VIRMA: variants seen among roughly 807,000 people sequenced by gnomAD.
The protein encoded by VIRMA is protein virilizer homolog.
In VIRMA, 65 loss-of-function variants were observed where a neutral mutation model predicts 182.4. The ratio of observed to expected loss-of-function variants is 0.36; its 90% confidence interval spans 0.29 to 0.44. The LOEUF (loss-of-function observed/expected upper bound fraction) is 0.44. VIRMA is among the 20% of genes least tolerant of loss of function. VIRMA has a pLI of 1.00. For synonymous variants in VIRMA, 709 were observed against 743.1 expected (o/e 0.95, Z 0.75); for missense variants, 1,752 against 2,158.1 (o/e 0.81, Z 3.73).
At chr8:94,532,054 T>C (rs1815191730) in intron 5 of VIRMA, among the ~76,000 whole-genome samples, 2 of 152,176 alleles carry the variant, frequency 1.3e-5, no homozygotes, top group Middle Eastern at 3.4e-3. Context: ...AAAGGGGTAA[T>C]AGGGAATCTT....
chr8:94,548,352 T>C (rs1815850887), intron 1 of VIRMA, among the ~76,000 whole-genome samples: 1 of 151,238 alleles, frequency 6.6e-6, no homozygotes. Flanking sequence ...ATTGTAATAT[T>C]AACGTGGGCA....
chr8:94,498,239 T>A (rs1395638034), intron 17 of VIRMA: 1 of 152,164 alleles, frequency 6.6e-6, no homozygotes, highest in Non-Finnish European at 1.5e-5. Context: ...TGGAAAATAC[T>A]AATGAGAGAA....
intron 15 of VIRMA, among the ~76,000 whole-genome samples, chr8:94,507,922 T>C (rs1213615343): frequency 6.7e-6 from 1 of 149,302 alleles, no homozygotes; most frequent in African/African-American, 2.4e-5. Context: ...TATGTGTATA[T>C]ATGTATGTAC....
At chr8:94,512,119 C>A in intron 11 of VIRMA, 30 bp from the exon 12 acceptor site, 1 of 1,228,236 alleles carries the variant, frequency 8.1e-7, no homozygotes, top group South Asian at 2.1e-5. Context: ...CAGAATATTT[C>A]GTTTCTTAGT....
intron 1 of VIRMA, among the ~76,000 whole-genome samples, chr8:94,544,559 G>A (rs1764848670): frequency 6.6e-6 from 1 of 150,472 alleles, no homozygotes; most frequent in Non-Finnish European, 1.5e-5. Context: ...TACTTGGGAG[G>A]TTGAGGCAGG....
rs1248887988 is a variant in VIRMA, at chr8:94,519,047, A to G, written c.2451T>C (p.Ser817=). The G allele has an allele frequency of 6.2e-7, 1 of 1,613,794 alleles. No individual in the cohort carries two copies. Among genetic ancestry groups the G allele is most frequent in the African/African-American group, 1.3e-5 (1 of 74,922 alleles). ...TAAGACTTTGGAGATTTTTCTCCAG[A>G]CTAAAAACATGGCCAACAGCTGATC... is the stretch of plus-strand genomic sequence containing the variant. The part of the protein sequence containing the change: ...VGRSAVGHVF[S]LEKNLQSLIT... Residue 817 remains serine, a synonymous_variant, in exon 9 of 24, where the codon AGT becomes AGC. Coordinates refer to ENST00000297591, the MANE Select transcript of VIRMA (RefSeq NM_015496.5).
intron 15 of VIRMA, 42 bp from the exon 16 acceptor site, chr8:94,506,759 T>C: frequency 8.0e-7 from 1 of 1,255,928 alleles, no homozygotes; most frequent in Non-Finnish European, 1.2e-6. Context: ...TTTAAATAAT[T>C]ATCACCATCA....
At chr8:94,506,151 G>A (rs537238256) in intron 16 of VIRMA, among the ~76,000 whole-genome samples, 1 of 152,162 alleles carries the variant, frequency 6.6e-6, no homozygotes, top group Non-Finnish European at 1.5e-5. Context: ...TTAGCTTTAA[G>A]GTCTATAAAA....
Position 94,510,536 on chromosome 8 carries a change from G to C in VIRMA, c.3507C>G (p.Thr1169=), listed in dbSNP as rs888188454. ...GTAACATATGTTGAATGGGCTGGCA[G>C]GTTGTGCCAGAGAAAGAGCGAACTA... ...QEIVRSFSGT[T]CQPIQHMLRR... Residue 1169 remains threonine, a synonymous_variant, in exon 14 of 24, where the codon ACC becomes ACG. Coordinates refer to ENST00000297591, the MANE Select transcript of VIRMA (RefSeq NM_015496.5). The C allele has an allele frequency of 2.9e-5, 46 of 1,613,940 alleles. No homozygotes were observed. The highest frequency in any genetic ancestry group is 3.9e-5 in the Non-Finnish European group (46 of 1,179,970).
At chr8:94,500,497 C>A (rs546979106) in intron 16 of VIRMA, among the ~76,000 whole-genome samples, 2 of 152,180 alleles carry the variant, frequency 1.3e-5, no homozygotes, top group Non-Finnish European at 2.9e-5. Flanking sequence ...AGTCATACTT[C>A]CGTGGTCTAT....
intron 13 of VIRMA, 176 bp downstream of exon 13, chr8:94,511,009 C>T: frequency 3.0e-6 from 4 of 1,321,900 alleles, no homozygotes; most frequent in Admixed American, 3.6e-5. Context: ...TAAAATGTTA[C>T]CCCCATATTT....
intron 8 of VIRMA, among the ~76,000 whole-genome samples, chr8:94,524,970 ATT>A (rs1243682904): frequency 6.6e-6 from 1 of 152,072 alleles, no homozygotes; most frequent in Non-Finnish European, 1.5e-5. Context: ...GCCTAAATGC[ATT>A]CTCTGCCCAT....
chr8:94,550,425 T>C (rs892321086), intron 1 of VIRMA, among the ~76,000 whole-genome samples: 1 of 152,006 alleles, frequency 6.6e-6, no homozygotes, highest in Non-Finnish European at 1.5e-5. Context: ...CCTGAGTAGC[T>C]GGGACTACAG....
At chr8:94,533,080 C>G (rs1224390360) in intron 5 of VIRMA, among the ~76,000 whole-genome samples, 1 of 150,796 alleles carries the variant, frequency 6.6e-6, no homozygotes, top group Non-Finnish European at 1.5e-5. Flanking sequence ...TTAGAGTAAC[C>G]ACTACATATG....
chr8:94,520,950 T>A (rs1214469927), intron 8 of VIRMA, among the ~76,000 whole-genome samples: 3 of 152,206 alleles, frequency 2.0e-5, no homozygotes, highest in Non-Finnish European at 4.4e-5. Context: ...CAGGCTGGAC[T>A]CAAACTCCTG....
chr8:94,497,458 G>A (rs113344555), intron 17 of VIRMA: 22,563 of 149,808 alleles, frequency 0.15, 2,059 homozygotes, highest in South Asian at 0.3. Flanking sequence ...AGATGGAGTC[G>A]CACTTTGTTG....
At chr8:94,489,053 A>G (rs1813534518) in intron 23 of VIRMA, among the ~76,000 whole-genome samples, 193 bp from the exon 24 acceptor site, 1 of 152,240 alleles carries the variant, frequency 6.6e-6, no homozygotes, top group African/African-American at 2.4e-5. Context: ...GTATATGAGA[A>G]TTATATCCTA....
chr8:94,501,919 A>G (rs1026015813), intron 16 of VIRMA, among the ~76,000 whole-genome samples: 5 of 152,176 alleles, frequency 3.3e-5, no homozygotes, highest in African/African-American at 1.2e-4. Context: ...GTTGGATGGA[A>G]TGTTCTGTAT....
chr8:94,530,833 G>T, intron 6 of VIRMA, 130 bp downstream of exon 6: 1 of 878,706 alleles, frequency 1.1e-6, no homozygotes. Flanking sequence ...GATCACTTAA[G>T]CCCAGGTGGT....
Sources: allele counts gnomAD v4.1 joint callset (sites outside exome capture counted in the v4.1 genomes callset), GRCh38; gene constraint gnomAD v4.1.1; transcripts MANE v1.5; gene names NCBI Gene and HGNC (gene_info 2026-07-23, HGNC 2026-07-21).